Variants in RPS6KA2 observed in about 807,000 individuals in gnomAD.
The protein encoded by RPS6KA2 is ribosomal protein S6 kinase A2.
A neutral mutation model predicts 91.8 loss-of-function variants in RPS6KA2; 42 were observed. The observed-to-expected ratio is 0.46, with a 90% CI of 0.36 to 0.59. The LOEUF is 0.59. RPS6KA2 is among the 20% of genes least tolerant of loss of function. The pLI is 0.00. For missense variants in RPS6KA2, 798 were observed against 978.5 expected (o/e 0.82, Z 2.46); for synonymous variants, 414 against 393.6 (o/e 1.05, Z -0.61).
At chr6:166,802,099 T>TAC (rs564126272) in intron 2 of RPS6KA2, among the ~76,000 whole-genome samples, 237 of 151,190 alleles carry the variant, frequency 1.6e-3, no homozygotes, top group Admixed American at 3.6e-3. Flanking sequence ...CTACTAAAAA[T>TAC]ACACACACAC....
chr6:166,544,380 C>T (rs1270023292), intron 1 of RPS6KA2, among the ~76,000 whole-genome samples: 2 of 152,252 alleles, frequency 1.3e-5, no homozygotes, highest in African/African-American at 2.4e-5. Context: ...CCCCGGAGAG[C>T]GAGCTCCATC....
chr6:166,559,581 G>GT (rs1784279383), intron 1 of RPS6KA2, among the ~76,000 whole-genome samples: 1 of 152,170 alleles, frequency 6.6e-6, no homozygotes, highest in African/African-American at 2.4e-5. Flanking sequence ...TGGTGAGTAA[G>GT]TTTCAGTAAC....
At chr6:166,431,880 C>T (rs1470847270) in intron 15 of RPS6KA2, among the ~76,000 whole-genome samples, 4 of 151,876 alleles carry the variant, frequency 2.6e-5, no homozygotes, top group East Asian at 1.9e-4. Context: ...TGCCTGCCTA[C>T]GCCTCCCAAA....
At chr6:166,549,534 G>GA (rs2128499645) in intron 1 of RPS6KA2, among the ~76,000 whole-genome samples, 1 of 152,140 alleles carries the variant, frequency 6.6e-6, no homozygotes, top group Admixed American at 6.5e-5. Context: ...TACGCTCAGT[G>GA]AAAAAAAGCA....
intron 1 of RPS6KA2, among the ~76,000 whole-genome samples, chr6:166,547,381 A>T (rs1201672958): frequency 6.6e-6 from 1 of 152,238 alleles, no homozygotes; most frequent in Non-Finnish European, 1.5e-5. Flanking sequence ...TGATGGGGTG[A>T]TGGGGAAAGT....
chr6:166,448,968 G>T lies in RPS6KA2; in HGVS notation c.1207-119C>A. On this transcript the variant is annotated intron_variant, in intron 13 of 20. Coordinates refer to ENST00000265678, the MANE Select transcript of RPS6KA2 (RefSeq NM_021135.6). The surrounding 1 kb of genome is among the most constrained non-coding windows in gnomAD (Gnocchi z 4.7). The stretch of plus-strand genomic sequence containing the variant: ...ACCGACTGTGAACTGAGTGTGTGGA[G>T]GCCTGGGAGCTCATGGGTCCCCCTG... 1 of 1,273,538 alleles carries T rather than the reference G, an allele frequency of 7.9e-7. No homozygotes were observed. The highest frequency in any genetic ancestry group is 1.1e-6 in the Non-Finnish European group (1 of 909,562). The allele number at this position is 1,273,538 out of a possible 1,614,324, so 78.9% of individuals were successfully genotyped here.
chr6:166,701,834 T>C (rs1789529919), intron 2 of RPS6KA2: 2 of 903,328 alleles, frequency 2.2e-6, no homozygotes, highest in Non-Finnish European at 1.8e-6. Flanking sequence ...TGTCTCAACA[T>C]TGCCTTTAGC....
intron 12 of RPS6KA2, among the ~76,000 whole-genome samples, chr6:166,452,710 C>T (rs1779956132): frequency 6.6e-6 from 1 of 152,138 alleles, no homozygotes; most frequent in African/African-American, 2.4e-5. Context: ...GGAAAAGACA[C>T]TCTTTTCAAT....
At chr6:166,656,450 C>A (rs1486271924) in intron 2 of RPS6KA2, among the ~76,000 whole-genome samples, 2 of 152,232 alleles carry the variant, frequency 1.3e-5, no homozygotes, top group East Asian at 3.9e-4. Flanking sequence ...CCCTGCCCTG[C>A]CTGAGTGGTG....
chr6:166,841,884 T>C (rs558840338), intron 2 of RPS6KA2, among the ~76,000 whole-genome samples: 64 of 152,238 alleles, frequency 4.2e-4, no homozygotes, highest in African/African-American at 1.3e-3. Flanking sequence ...TAATCACCAA[T>C]TGGTCCCCGC....
chr6:166,457,013 A>AT (rs1780126507), intron 12 of RPS6KA2, among the ~76,000 whole-genome samples: 1 of 152,238 alleles, frequency 6.6e-6, no homozygotes, highest in African/African-American at 2.4e-5. Flanking sequence ...TTCTTCACAG[A>AT]TAAGATAAAA....
intron 2 of RPS6KA2, among the ~76,000 whole-genome samples, chr6:166,687,762 G>A (rs1018302231): frequency 2.0e-5 from 3 of 152,192 alleles, no homozygotes; most frequent in East Asian, 1.9e-4. Context: ...GCATTGCGTC[G>A]GCGGCTCTGT....
intron 1 of RPS6KA2, among the ~76,000 whole-genome samples, chr6:166,548,094 A>G (rs1783885547): frequency 6.6e-6 from 1 of 152,262 alleles, no homozygotes; most frequent in African/African-American, 2.4e-5. Context: ...TTTCAGAGTG[A>G]TTGCGCTTTT....
Position 166,524,889 on chromosome 6 carries a change from C to T in RPS6KA2, c.298+6343G>A, listed in dbSNP as rs781713980. Among the ~76,000 whole-genome samples, 30 of 152,322 alleles carry T rather than the reference C, an allele frequency of 2.0e-4. No homozygotes were observed. In the Middle Eastern group the frequency reaches 0.014, roughly 69 times the overall value. On this transcript the variant is annotated intron_variant, in intron 3 of 20. Transcript: ENST00000265678. ...CAGGGTCTGGACTTGGTGTTCCTGG[C>T]CCCTGTATCAGGGATTCTCCATGTT...
In RPS6KA2 at chr6:166,418,752, C is replaced by T. The variant is rs1035411683; in HGVS notation, c.1821-410G>A. 6.6e-6 allele frequency among the ~76,000 whole-genome samples: 1 copy of T among 152,264 alleles called. No individual in the cohort carries two copies. Among genetic ancestry groups the T allele is most frequent in the Admixed American group, 6.5e-5 (1 of 15,294 alleles). ...AACTCTGTGTTCTTTGACAAGTTAA[C>T]TTTTTGAGCCTCCACTGCAAATGCA... On this transcript the variant is annotated intron_variant, in intron 18 of 20. Transcript: ENST00000265678. This position sits in a 1 kb window ranked among gnomAD's most constrained non-coding sequence, Gnocchi z 4.9.
At chr6:166,436,709 AC>A (rs1779323472) in intron 14 of RPS6KA2, among the ~76,000 whole-genome samples, 1 of 152,208 alleles carries the variant, frequency 6.6e-6, no homozygotes, top group Non-Finnish European at 1.5e-5. Context: ...CCTCTGAGGC[AC>A]AGGGCAGCGA....
At chr6:166,565,065 C>T (rs1030681081) in intron 1 of RPS6KA2, among the ~76,000 whole-genome samples, 4 of 152,250 alleles carry the variant, frequency 2.6e-5, no homozygotes, top group Admixed American at 6.5e-5. Context: ...AGCCACTTGG[C>T]GAAGTGGAGA....
chr6:166,856,073 T>C (rs1001973497), intron 2 of RPS6KA2, among the ~76,000 whole-genome samples: 1 of 152,188 alleles, frequency 6.6e-6, no homozygotes, highest in Non-Finnish European at 1.5e-5. Context: ...GACTAGGAGC[T>C]CTTAAAAAAT....
At chr6:166,502,455 T>C (rs993980770) in intron 6 of RPS6KA2, among the ~76,000 whole-genome samples, 1 of 152,240 alleles carries the variant, frequency 6.6e-6, no homozygotes. Flanking sequence ...AAGCTTGCAA[T>C]TAAATAAGGC....
Sources: allele counts gnomAD v4.1 joint callset (sites outside exome capture counted in the v4.1 genomes callset), GRCh38; gene constraint gnomAD v4.1.1; non-coding constraint Gnocchi (gnomAD v3.1); transcripts MANE v1.5; gene names NCBI Gene and HGNC (gene_info 2026-07-23, HGNC 2026-07-21).